CFAP299: variants seen among roughly 807,000 people sequenced by gnomAD.
CFAP299 encodes cilia and flagella associated protein 299, also known as cilia- and flagella-associated protein 299.
In CFAP299, 21 loss-of-function variants were observed where a neutral mutation model predicts 27.0. The observed-to-expected ratio is 0.78, with a 90% CI of 0.55 to 1.12. The LOEUF is 1.12. Among genes scored for constraint, CFAP299 ranks in the 50% most tolerant of loss-of-function variants. The probability of loss-of-function intolerance (pLI) is 0.00; values close to 1 mark genes in which losing one functional copy is unlikely to be tolerated. For synonymous variants in CFAP299, 104 were observed against 98.1 expected, an observed-to-expected ratio of 1.06 and a Z score of -0.36; for missense variants, 310 against 276.6, an observed-to-expected ratio of 1.12 and a Z score of -0.86.
At chr4:80,774,336 A>G (rs1726394754) in intron 3 of CFAP299, among the ~76,000 whole-genome samples, 1 of 152,066 alleles carries the variant, frequency 6.6e-6, no homozygotes, top group Non-Finnish European at 1.5e-5. Context: ...ATTTTAAAAA[A>G]TAATAATAAT....
intron 2 of CFAP299, among the ~76,000 whole-genome samples, chr4:80,517,308 A>T (rs1732637526): frequency 6.6e-6 from 1 of 152,208 alleles, no homozygotes; most frequent in Non-Finnish European, 1.5e-5. Flanking sequence ...AGAACTGAGC[A>T]TGTTGAAATG....
At chr4:80,743,214 G>C (rs1441665138) in intron 3 of CFAP299, among the ~76,000 whole-genome samples, 1 of 151,542 alleles carries the variant, frequency 6.6e-6, no homozygotes, top group Admixed American at 6.6e-5. Flanking sequence ...TGGCCAACAT[G>C]GTGAAACCCT....
intron 3 of CFAP299, among the ~76,000 whole-genome samples, chr4:80,808,036 A>G (rs1728955112): frequency 6.6e-6 from 1 of 150,604 alleles, no homozygotes; most frequent in African/African-American, 2.5e-5. Flanking sequence ...GAGTTAAAAA[A>G]AAAACAAAGG....
chr4:80,365,665 GTCTTT>G (rs1723789748), intron 2 of CFAP299, among the ~76,000 whole-genome samples: 1 of 152,186 alleles, frequency 6.6e-6, no homozygotes. Context: ...ATCAGGGAGA[GTCTTT>G]TCTTTTTGTG....
intron 3 of CFAP299, among the ~76,000 whole-genome samples, chr4:80,656,988 T>C (rs1258300099): frequency 3.3e-5 from 5 of 152,174 alleles, no homozygotes. Context: ...GATGATGAGC[T>C]TTTTTTCATA....
At chr4:80,325,609 C>T in the CFAP299 span, among the ~76,000 whole-genome samples, 2 of 152,178 alleles carry the variant, frequency 1.3e-5, no homozygotes, top group African/African-American at 2.4e-5. Context: ...TAAGTAACAT[C>T]CTTGGTTCCA....
At position 80,793,209 on chromosome 4, in the gene CFAP299, C is replaced by A. The variant is rs574435166; in HGVS notation, c.334-76784C>A. Among the ~76,000 whole-genome samples the A allele has an allele frequency of 9.9e-5, 15 of 151,836 alleles. No homozygotes were observed. In the South Asian group the frequency reaches 2.9e-3, roughly 30 times the overall value. On this transcript the variant is annotated intron_variant, in intron 3 of 5. Transcript: ENST00000358105. ...CTGCAAGCTGAGGAGCAAGGAGAGC[C>A]AGTCTGAGTTGCAAAACTGAAGACC...
chr4:80,326,941 C>G, the CFAP299 span, among the ~76,000 whole-genome samples: 1 of 151,998 alleles, frequency 6.6e-6, no homozygotes, highest in African/African-American at 2.4e-5. Flanking sequence ...ATAAAACTTG[C>G]ATTTTTTTCA....
At chr4:80,584,155 G>T (rs1736314966) in intron 3 of CFAP299, among the ~76,000 whole-genome samples, 1 of 151,966 alleles carries the variant, frequency 6.6e-6, no homozygotes, top group Non-Finnish European at 1.5e-5. Context: ...ATGGAAATAT[G>T]GGCAGAGACT....
chr4:80,824,331 A>C (rs928506373), intron 3 of CFAP299, among the ~76,000 whole-genome samples: 4 of 152,154 alleles, frequency 2.6e-5, no homozygotes, highest in African/African-American at 7.2e-5. Flanking sequence ...GTAGCTGTGC[A>C]TGTTTATGGC....
chr4:80,405,231 A>G (rs977734829), intron 2 of CFAP299, among the ~76,000 whole-genome samples: 1 of 152,112 alleles, frequency 6.6e-6, no homozygotes, highest in East Asian at 1.9e-4. Flanking sequence ...TTCTAAGCAG[A>G]CTGATGCTGT....
At chr4:80,860,516 GT>G (rs1560450314) in intron 3 of CFAP299, among the ~76,000 whole-genome samples, 1 of 152,082 alleles carries the variant, frequency 6.6e-6, no homozygotes. Flanking sequence ...TTTCTGCTCT[GT>G]TTTTTCCCCA....
At chr4:80,766,880 G>T (rs534522423) in intron 3 of CFAP299, among the ~76,000 whole-genome samples, 1 of 152,248 alleles carries the variant, frequency 6.6e-6, no homozygotes, top group African/African-American at 2.4e-5. Flanking sequence ...GAGTCAATTT[G>T]TTAAAATAGT....
At chr4:80,855,523 A>T (rs1313422794) in intron 3 of CFAP299, among the ~76,000 whole-genome samples, 2 of 152,210 alleles carry the variant, frequency 1.3e-5, no homozygotes, top group African/African-American at 4.8e-5. Flanking sequence ...GTCATCTAGC[A>T]TTAGGTATAT....
chr4:80,867,791 C>G (rs1732833087), intron 3 of CFAP299, among the ~76,000 whole-genome samples: 1 of 152,210 alleles, frequency 6.6e-6, no homozygotes, highest in South Asian at 2.1e-4. Context: ...CAAATACAGT[C>G]ACCTCTGTGG....
At chr4:80,417,736 G>A (rs1727084803) in intron 2 of CFAP299, among the ~76,000 whole-genome samples, 1 of 152,112 alleles carries the variant, frequency 6.6e-6, no homozygotes, top group Non-Finnish European at 1.5e-5. Flanking sequence ...TGATTGTAAT[G>A]CCCCACTATT....
intron 2 of CFAP299, among the ~76,000 whole-genome samples, chr4:80,542,625 G>A (rs1482773610): frequency 6.6e-6 from 1 of 152,096 alleles, no homozygotes; most frequent in East Asian, 1.9e-4. Flanking sequence ...GGGCAAGTCT[G>A]ATCTGCACTC....
intron 2 of CFAP299, among the ~76,000 whole-genome samples, chr4:80,519,257 A>G (rs748221293): frequency 3.9e-5 from 6 of 152,028 alleles, no homozygotes; most frequent in Non-Finnish European, 8.8e-5. Flanking sequence ...CCCAGGCTGG[A>G]GTGCAGTGGC....
intron 2 of CFAP299, among the ~76,000 whole-genome samples, chr4:80,500,584 A>C (rs1424629933): frequency 6.6e-6 from 1 of 152,146 alleles, no homozygotes. Flanking sequence ...TATTTTGTTG[A>C]AACTGCTGTC....
Sources: gnomAD v4.1 joint callset for allele counts (sites outside exome capture counted in the v4.1 genomes callset) on GRCh38, gnomAD v4.1.1 for gene constraint, MANE v1.5 for transcripts, NCBI Gene and HGNC (gene_info 2026-07-23, HGNC 2026-07-21) for gene names.